NT5C3A: variants seen among roughly 807,000 people sequenced by gnomAD.
NT5C3A encodes 5'-nucleotidase, cytosolic IIIA.
A neutral mutation model predicts 40.0 loss-of-function variants in NT5C3A; 23 were observed. The ratio of observed to expected loss-of-function variants is 0.58; its 90% confidence interval spans 0.41 to 0.81. NT5C3A has a LOEUF of 0.81. NT5C3A is among the 40% of genes least tolerant of loss of function. NT5C3A has a pLI of 0.00. For synonymous variants in NT5C3A, 130 were observed against 141.4 expected, an observed-to-expected ratio of 0.92 and a Z score of 0.57; for missense variants, 328 against 403.0, an observed-to-expected ratio of 0.81 and a Z score of 1.59.
At chr7:33,032,610 C>T (rs1786342620) in intron 1 of NT5C3A, among the ~76,000 whole-genome samples, 1 of 151,342 alleles carries the variant, frequency 6.6e-6, no homozygotes, top group Non-Finnish European at 1.5e-5. Context: ...GGCTCACCAC[C>T]ACCCTCGGCT....
intron 1 of NT5C3A, among the ~76,000 whole-genome samples, chr7:33,032,833 A>C (rs1434370875): frequency 2.0e-5 from 3 of 152,008 alleles, no homozygotes; most frequent in Non-Finnish European, 4.4e-5. Context: ...AGCTCACTGC[A>C]GACTTGACCT....
chr7:33,034,689 T>C (rs1388432460), intron 1 of NT5C3A, among the ~76,000 whole-genome samples: 1 of 152,174 alleles, frequency 6.6e-6, no homozygotes, highest in Non-Finnish European at 1.5e-5. Context: ...TTGAGTCAAC[T>C]TTCACCTTTG....
chr7:33,029,871 C>T, intron 1 of NT5C3A: 1 of 361,780 alleles, frequency 2.8e-6, no homozygotes, highest in Non-Finnish European at 5.4e-6. Context: ...CCAGCCAATA[C>T]TGGTTTACTT....
chr7:33,024,110 T>C lies in NT5C3A; in HGVS notation c.238-2A>G. ...TGTCATATCAAAGTCCGTTATTATC[T>C]GTAAGAAAAGAGTGAAATGCATTAT... On this transcript the variant is annotated splice_acceptor_variant, in intron 2 of 8. Transcript: ENST00000610140. LOFTEE classifies it high-confidence loss of function. The C allele has an allele frequency of 1.3e-6, 2 of 1,554,216 alleles. No individual in the cohort carries two copies. The highest frequency in any genetic ancestry group is 1.8e-6 in the Non-Finnish European group (2 of 1,126,644).
At chr7:33,039,867 A>G (rs1786830936) in intron 1 of NT5C3A, among the ~76,000 whole-genome samples, 1 of 152,218 alleles carries the variant, frequency 6.6e-6, no homozygotes, top group South Asian at 2.1e-4. Flanking sequence ...GGCAATTTTA[A>G]CCAATTTTCC....
At chr7:33,026,603 C>T (rs550174138) in intron 2 of NT5C3A, among the ~76,000 whole-genome samples, 22 of 151,316 alleles carry the variant, frequency 1.5e-4, no homozygotes, top group African/African-American at 3.1e-4. Context: ...CTTGTCCACC[C>T]GCCTCGGCCT....
chr7:33,062,606 T>G lies in NT5C3A; in HGVS notation c.100A>C (p.Lys34Gln). 1.9e-6 allele frequency: 3 copies of G among 1,609,808 alleles called. No individual in the cohort carries two copies. Among genetic ancestry groups the G allele is most frequent in the Non-Finnish European group, 2.5e-6 (3 of 1,178,796 alleles). ...TTGGTCTTCCGCCCCGTCTTCCTCTTCAAGGTGAATATGTACTGAGCCAGC... is the reference window on the plus strand; with the variant it reads ...TTGGTCTTCCGCCCCGTCTTCCTCTGCAAGGTGAATATGTACTGAGCCAGC... ...VVLAQYIFTL[K>Q]RKTGRKTKII... Residue 34 changes from lysine (K) to glutamine (Q), a missense_variant, in exon 1 of 9, where the codon AAG (lysine) becomes CAG (glutamine). By Grantham distance (53) the Lys-to-Gln change is moderately conservative (BLOSUM62 1). Coordinates refer to ENST00000610140, the MANE Select transcript of NT5C3A (RefSeq NM_001002010.5).
chr7:33,049,603 T>C (rs1787282177), intron 1 of NT5C3A, among the ~76,000 whole-genome samples: 1 of 152,216 alleles, frequency 6.6e-6, no homozygotes, highest in South Asian at 2.1e-4. Flanking sequence ...CAAAATCTCT[T>C]TTATGTACAT....
At chr7:33,061,358 GA>G (rs1356264718) in intron 1 of NT5C3A, among the ~76,000 whole-genome samples, 1 of 152,136 alleles carries the variant, frequency 6.6e-6, no homozygotes, top group Admixed American at 6.6e-5. Context: ...CAAAATTAGG[GA>G]ATATTATTGG....
At position 33,014,871 on chromosome 7, in the gene NT5C3A, C is replaced by A. The variant is rs780641567; in HGVS notation, c.895-40G>T. 4 of 1,515,882 alleles carry A rather than the reference C, an allele frequency of 2.6e-6. No homozygotes were observed. In the African/African-American group the frequency reaches 5.5e-5, roughly 21 times the overall value. 93.9% of individuals were successfully genotyped at this position (1,515,882 alleles called of 1,614,324 possible). A position where few individuals can be genotyped will look rare whatever the true frequency, so the allele number is the denominator to read the frequency against. On this transcript the variant is annotated intron_variant, in intron 8 of 8. Transcript: ENST00000610140. Reference sequence around the variant, plus strand: ...AACAAAAGAAAATTAACATGCAGGGCAAAGAAACAAATAATTTCAGTATGA... The same window carrying A: ...AACAAAAGAAAATTAACATGCAGGGAAAAGAAACAAATAATTTCAGTATGA...
At chr7:33,059,762 A>G (rs1247963407) in intron 1 of NT5C3A, among the ~76,000 whole-genome samples, 1 of 152,226 alleles carries the variant, frequency 6.6e-6, no homozygotes, top group African/African-American at 2.4e-5. Context: ...CTGTGCACAA[A>G]GTCCCGTTGA....
chr7:33,033,581 A>G (rs961540348), intron 1 of NT5C3A, among the ~76,000 whole-genome samples: 2 of 152,184 alleles, frequency 1.3e-5, no homozygotes, highest in African/African-American at 4.8e-5. Context: ...ATACATTGCC[A>G]AGATGTCCAG....
At chr7:33,053,723 A>G (rs1017503383) in intron 1 of NT5C3A, among the ~76,000 whole-genome samples, 7 of 152,204 alleles carry the variant, frequency 4.6e-5, no homozygotes, top group African/African-American at 1.7e-4. Context: ...TTAGTCAGAA[A>G]AAAATTTGTG....
At chr7:33,050,228 T>C (rs1787314750) in intron 1 of NT5C3A, among the ~76,000 whole-genome samples, 1 of 152,222 alleles carries the variant, frequency 6.6e-6, no homozygotes. Flanking sequence ...AATTTTAGTT[T>C]TTCCCTAGTT....
intron 1 of NT5C3A, among the ~76,000 whole-genome samples, chr7:33,046,359 A>AG (rs1337960162): frequency 1.3e-5 from 2 of 152,118 alleles, no homozygotes; most frequent in African/African-American, 4.8e-5. Flanking sequence ...CAACATACAG[A>AG]GGCCCTGTAT....
intron 1 of NT5C3A, among the ~76,000 whole-genome samples, chr7:33,041,735 GAAA>G (rs537553499): frequency 1.3e-5 from 2 of 151,468 alleles, no homozygotes; most frequent in East Asian, 3.9e-4. Context: ...CTGTCATGAA[GAAA>G]AAAAAATTTT....
intron 6 of NT5C3A, among the ~76,000 whole-genome samples, chr7:33,018,491 T>C (rs1428486881): frequency 6.6e-6 from 1 of 152,192 alleles, no homozygotes; most frequent in African/African-American, 2.4e-5. Context: ...AACATCATCA[T>C]AAAAAAGTAA....
intron 1 of NT5C3A, among the ~76,000 whole-genome samples, chr7:33,049,793 C>A (rs1402436261): frequency 6.6e-6 from 1 of 151,412 alleles, no homozygotes; most frequent in Non-Finnish European, 1.5e-5. Flanking sequence ...CACGGTGAAA[C>A]CCCGTCTCTA....
In NT5C3A at chr7:33,020,793, C is replaced by T. The variant is rs142480675; in HGVS notation, c.440+479G>A. ...ATGATCTATTTTTTTTTTTTTTGGT[C>T]ACTATTGTCATGGTTTCTCTTAACA... On this transcript the variant is annotated intron_variant, in intron 5 of 8. Transcript: ENST00000610140. Among the ~76,000 whole-genome samples the T allele has an allele frequency of 1.5e-3, 195 of 129,340 alleles. 1 individual carries two copies. The highest frequency in any genetic ancestry group is 5.4e-3 in the African/African-American group (185 of 34,066). 84.9% of individuals were successfully genotyped at this position (129,340 alleles called of 152,430 possible).
Sources: allele counts gnomAD v4.1 joint callset (sites outside exome capture counted in the v4.1 genomes callset), GRCh38; gene constraint gnomAD v4.1.1; transcripts MANE v1.5; gene names NCBI Gene and HGNC (gene_info 2026-07-23, HGNC 2026-07-21).